Variants in SYN3 observed in about 807,000 individuals in gnomAD.
The protein encoded by SYN3 is synapsin-3.
SYN3 carries 35 observed loss-of-function variants against 65.8 expected under a neutral mutation model. The ratio of observed to expected loss-of-function variants is 0.53; its 90% confidence interval spans 0.41 to 0.70. The LOEUF (loss-of-function observed/expected upper bound fraction) is 0.70, where lower values mean the gene tolerates loss of function less well. Among genes scored for constraint, SYN3 ranks in the 30% least tolerant of loss-of-function variants. The pLI is 0.00. For synonymous variants in SYN3, 270 were observed against 292.9 expected, an observed-to-expected ratio of 0.92 and a Z score of 0.80; for missense variants, 680 against 749.0, an observed-to-expected ratio of 0.91 and a Z score of 1.08.
At chr22:32,957,272 C>T (rs2051495298) in intron 3 of SYN3, among the ~76,000 whole-genome samples, 1 of 152,186 alleles carries the variant, frequency 6.6e-6, no homozygotes, top group African/African-American at 2.4e-5. Flanking sequence ...TGGGTAAATG[C>T]AGTGAAAGGA....
intron 5 of SYN3, among the ~76,000 whole-genome samples, chr22:32,866,324 C>T (rs961425207): frequency 7.2e-5 from 11 of 152,178 alleles, no homozygotes; most frequent in African/African-American, 2.7e-4. Flanking sequence ...GGGGTATAGC[C>T]TTCAGATGCA....
At chr22:32,835,903 T>C (rs746090861) in intron 6 of SYN3, among the ~76,000 whole-genome samples, 1 of 152,222 alleles carries the variant, frequency 6.6e-6, no homozygotes. Context: ...GAGAGTTAAC[T>C]CCACCTCAAA....
intron 6 of SYN3, among the ~76,000 whole-genome samples, chr22:32,797,606 G>A (rs962058595): frequency 6.6e-6 from 1 of 152,102 alleles, no homozygotes; most frequent in African/African-American, 2.4e-5. Context: ...TAACTACACT[G>A]GGCTCCACCA....
chr22:32,695,379 T>C (rs2060721868), intron 6 of SYN3, among the ~76,000 whole-genome samples: 3 of 152,232 alleles, frequency 2.0e-5, no homozygotes, highest in Non-Finnish European at 4.4e-5. Flanking sequence ...CTTGTCTGCT[T>C]GTTTGTAGTT....
intron 6 of SYN3, among the ~76,000 whole-genome samples, chr22:32,682,026 T>C (rs2060528841): frequency 6.6e-6 from 1 of 152,068 alleles, no homozygotes; most frequent in Non-Finnish European, 1.5e-5. Context: ...GGAAAGACGA[T>C]GTAGCTTGGT....
At chr22:32,925,640 C>T (rs1351806702) in intron 4 of SYN3, among the ~76,000 whole-genome samples, 1 of 152,130 alleles carries the variant, frequency 6.6e-6, no homozygotes, top group Non-Finnish European at 1.5e-5. Flanking sequence ...CTTTTCAGCC[C>T]GTCCTGCCTC....
At chr22:33,007,331 G>T (rs1220511406) in intron 1 of SYN3, among the ~76,000 whole-genome samples, 2 of 152,112 alleles carry the variant, frequency 1.3e-5, no homozygotes, top group East Asian at 1.9e-4. Flanking sequence ...AGAAATCAAA[G>T]TGTTAACAGT....
At chr22:32,906,435 T>C (rs1247694824) in intron 4 of SYN3, among the ~76,000 whole-genome samples, 5 of 152,318 alleles carry the variant, frequency 3.3e-5, no homozygotes, top group African/African-American at 1.2e-4. Context: ...GCCCTATTCA[T>C]TCCTGCCATT....
chr22:32,639,249 G>C (rs2059862667), intron 6 of SYN3, among the ~76,000 whole-genome samples: 1 of 152,102 alleles, frequency 6.6e-6, no homozygotes, highest in African/African-American at 2.4e-5. Context: ...CACCACGCCT[G>C]GCCCATTTTG....
chr22:32,650,209 T>TTTTCTTTTTCTTTCTTTCTTTCTTTC (rs1290283709), intron 6 of SYN3, among the ~76,000 whole-genome samples: 8 of 138,274 alleles, frequency 5.8e-5, no homozygotes, highest in South Asian at 2.2e-4. Flanking sequence ...CTCTTTACAC[T>TTTTCTTTTTCTTTCTTTCTTTCTTTC]TTTCTTTCTC....
At chr22:32,642,890 A>G (rs1007570524) in intron 6 of SYN3, among the ~76,000 whole-genome samples, 1 of 151,996 alleles carries the variant, frequency 6.6e-6, no homozygotes, top group Non-Finnish European at 1.5e-5. Flanking sequence ...CCCCCTATCA[A>G]AAAAAGGTGA....
intron 6 of SYN3, among the ~76,000 whole-genome samples, chr22:32,794,092 G>A (rs561342311): frequency 6.6e-6 from 1 of 152,220 alleles, no homozygotes; most frequent in Non-Finnish European, 1.5e-5. Flanking sequence ...TTCAGGAAGA[G>A]AGGCTTTGGC....
chr22:32,972,849 A>G (rs1283786291), intron 3 of SYN3, among the ~76,000 whole-genome samples: 1 of 149,456 alleles, frequency 6.7e-6, no homozygotes. Context: ...ACAAAGAAGA[A>G]AAAAAAAAAG....
At chr22:32,951,368 CCCTG>C (rs2051284075) in intron 3 of SYN3, among the ~76,000 whole-genome samples, 2 of 152,318 alleles carry the variant, frequency 1.3e-5, no homozygotes, top group South Asian at 4.2e-4. Flanking sequence ...CTGCAAAGCA[CCCTG>C]CTGGGTTCCA....
At chr22:32,872,313 A>G (rs1569292908) in intron 4 of SYN3, among the ~76,000 whole-genome samples, 1 of 152,226 alleles carries the variant, frequency 6.6e-6, no homozygotes, top group Non-Finnish European at 1.5e-5. Context: ...ATGAATGAAC[A>G]TGATGTGAAA....
At chr22:32,647,042 G>T (rs1434926720) in intron 6 of SYN3, among the ~76,000 whole-genome samples, 1 of 152,212 alleles carries the variant, frequency 6.6e-6, no homozygotes, top group African/African-American at 2.4e-5. Flanking sequence ...TTGAATACAG[G>T]TCTGTGTGTC....
chr22:32,884,369 G>A (rs1015701320), intron 4 of SYN3, among the ~76,000 whole-genome samples: 2 of 152,242 alleles, frequency 1.3e-5, no homozygotes, highest in East Asian at 1.9e-4. Context: ...GGGATCCCAG[G>A]AACACTAGTT....
At chr22:32,938,594 C>T (rs1464308065) in intron 3 of SYN3, among the ~76,000 whole-genome samples, 7 of 151,378 alleles carry the variant, frequency 4.6e-5, no homozygotes, top group African/African-American at 1.5e-4. Flanking sequence ...AAACAACTGT[C>T]GGTATGGAAT....
chr22:32,596,812 T>C (rs1482326571), intron 6 of SYN3, 76 bp from the exon 7 acceptor site: 6 of 1,437,796 alleles, frequency 4.2e-6, no homozygotes, highest in South Asian at 1.2e-5. Flanking sequence ...GCTTGTTCCA[T>C]AGAAAGATCC....
Sources: allele counts gnomAD v4.1 joint callset (sites outside exome capture counted in the v4.1 genomes callset), GRCh38; gene constraint gnomAD v4.1.1; transcripts MANE v1.5; gene names NCBI Gene and HGNC (gene_info 2026-07-23, HGNC 2026-07-21).